RANBP17: variants seen among roughly 807,000 people sequenced by gnomAD.
The protein encoded by RANBP17 is ran-binding protein 17.
Under a neutral mutation model 141.2 loss-of-function variants are expected in RANBP17, and 158 were observed. The observed-to-expected ratio is 1.12, with a 90% confidence interval of 0.98 to 1.28. The LOEUF (loss-of-function observed/expected upper bound fraction) is 1.28, where lower values mean the gene tolerates loss of function less well. Among genes scored for constraint, RANBP17 ranks in the 50% most tolerant of loss-of-function variants. The pLI is 0.00. For missense variants in RANBP17, 1,438 were observed against 1,290.7 expected (o/e 1.11, Z -1.75); for synonymous variants, 430 against 450.0 (o/e 0.96, Z 0.56).
chr5:171,026,522 G>A (rs1472557327), intron 14 of RANBP17, among the ~76,000 whole-genome samples: 2 of 152,126 alleles, frequency 1.3e-5, no homozygotes, highest in Non-Finnish European at 2.9e-5. Context: ...TAACAGAAGA[G>A]TTTAAAGTTA....
chr5:171,044,582 A>G (rs1205204596), intron 14 of RANBP17, among the ~76,000 whole-genome samples: 1 of 152,074 alleles, frequency 6.6e-6, no homozygotes, highest in Non-Finnish European at 1.5e-5. Flanking sequence ...TTTACTCATA[A>G]TAAAAATATT....
At chr5:171,147,795 G>A (rs535100486) in intron 14 of RANBP17, among the ~76,000 whole-genome samples, 19 of 152,106 alleles carry the variant, frequency 1.2e-4, no homozygotes, top group African/African-American at 4.3e-4. Flanking sequence ...CCGGCCAGCC[G>A]CCCCGTCCGG....
chr5:170,892,332 C>CTTCAGAA, intron 3 of RANBP17, 55 bp from the exon 4 acceptor site: 1 of 332,790 alleles, frequency 3.0e-6, no homozygotes, highest in Non-Finnish European at 4.9e-6. Flanking sequence ...TCATATGATT[C>CTTCAGAA]ACACTATGTT....
intron 14 of RANBP17, among the ~76,000 whole-genome samples, chr5:171,045,563 T>C (rs1429032798): frequency 6.6e-6 from 1 of 152,152 alleles, no homozygotes; most frequent in Non-Finnish European, 1.5e-5. Flanking sequence ...AACAGACTAA[T>C]TGTCTTTAAA....
chr5:171,018,836 G>T (rs191099456), intron 14 of RANBP17, among the ~76,000 whole-genome samples: 3 of 152,122 alleles, frequency 2.0e-5, no homozygotes, highest in Non-Finnish European at 4.4e-5. Context: ...TCTTGTGCCA[G>T]TCTTCAAAGG....
intron 14 of RANBP17, among the ~76,000 whole-genome samples, chr5:171,074,242 T>C (rs1784786609): frequency 6.6e-6 from 1 of 152,236 alleles, no homozygotes; most frequent in Admixed American, 6.5e-5. Context: ...TGAGAACATA[T>C]TAAAACTCAG....
intron 14 of RANBP17, among the ~76,000 whole-genome samples, chr5:171,155,092 AAAATATAT>A (rs1758782790): frequency 1.1e-5 from 1 of 91,232 alleles, no homozygotes; most frequent in South Asian, 3.5e-4. Context: ...AAAAAAAAAA[AAAATATAT>A]ATATATATAT....
At chr5:170,984,110 G>A (rs1171016703) in intron 14 of RANBP17, among the ~76,000 whole-genome samples, 7 of 152,096 alleles carry the variant, frequency 4.6e-5, no homozygotes, top group African/African-American at 1.7e-4. Context: ...AGAGTAGGAA[G>A]TCTGGGAAAG....
chr5:170,885,347 T>C (rs1769054439), intron 3 of RANBP17, among the ~76,000 whole-genome samples: 1 of 152,170 alleles, frequency 6.6e-6, no homozygotes, highest in Non-Finnish European at 1.5e-5. Flanking sequence ...TGGGGTAATA[T>C]CATCCATTTC....
At chr5:170,959,565 G>A (rs1775986964) in intron 13 of RANBP17, among the ~76,000 whole-genome samples, 1 of 152,114 alleles carries the variant, frequency 6.6e-6, no homozygotes, top group Admixed American at 6.5e-5. Flanking sequence ...GGAGTTAGGG[G>A]CACCAACCTT....
chr5:171,165,203 A>G (rs939248284), intron 14 of RANBP17, among the ~76,000 whole-genome samples: 1 of 152,008 alleles, frequency 6.6e-6, no homozygotes, highest in Admixed American at 6.6e-5. Context: ...TTTTTTTGAG[A>G]TGGAGTCTCG....
At chr5:170,936,886 G>C (rs1194617181) in intron 12 of RANBP17, among the ~76,000 whole-genome samples, 1 of 152,064 alleles carries the variant, frequency 6.6e-6, no homozygotes, top group Non-Finnish European at 1.5e-5. Context: ...ATTTGTGATT[G>C]TTATGTCTTC....
chr5:171,035,337 C>T lies in RANBP17; in HGVS notation c.1710+66960C>T, dbSNP rs113254615. Among the ~76,000 whole-genome samples the T allele has an allele frequency of 3.3e-3, 504 of 152,080 alleles. 1 individual carries two copies. Among genetic ancestry groups the T allele is most frequent in the African/African-American group, 0.012 (489 of 41,488 alleles). The stretch of plus-strand genomic sequence containing the variant: ...GAAACATAAGAAATTAAACATGATA[C>T]CTTAGTAATTTTTTAAATGAATTTA... On this transcript the variant is annotated intron_variant, in intron 14 of 27. Transcript: ENST00000523189.
intron 24 of RANBP17, among the ~76,000 whole-genome samples, chr5:171,245,877 C>CTTTT (rs778868859): frequency 7.4e-6 from 1 of 134,290 alleles, no homozygotes; most frequent in East Asian, 2.1e-4. Flanking sequence ...TCTTCTCATA[C>CTTTT]TTTTTTTTTT....
intron 14 of RANBP17, among the ~76,000 whole-genome samples, chr5:171,165,972 C>G (rs1172225666): frequency 6.6e-6 from 1 of 152,078 alleles, no homozygotes; most frequent in Non-Finnish European, 1.5e-5. Context: ...AGAATACATG[C>G]CTTTTATGCG....
At position 171,240,930 on chromosome 5, in the gene RANBP17, A is replaced by AATCAGATC; in HGVS notation, c.2426_2433dup (p.Leu812IlefsTer17). The AATCAGATC allele has an allele frequency of 6.2e-7, 1 of 1,607,424 alleles. No individual in the cohort carries two copies. The highest frequency in any genetic ancestry group is 8.5e-7 in the Non-Finnish European group (1 of 1,174,284). On this transcript the variant is annotated frameshift_variant, in exon 23 of 28. Coordinates refer to ENST00000523189, the MANE Select transcript of RANBP17 (RefSeq NM_022897.5). LOFTEE classifies it high-confidence loss of function. ...TTTCTGCTTTTATCCTGAAACAGGT[A>AATCAGATC]ATCAGATCCTGTCCCTTGGGAGCCT... is the stretch of plus-strand genomic sequence containing the variant.
At chr5:171,269,838 A>G (rs928940000) in intron 25 of RANBP17, among the ~76,000 whole-genome samples, 7 of 152,224 alleles carry the variant, frequency 4.6e-5, no homozygotes, top group African/African-American at 1.7e-4. Flanking sequence ...ATTAAAAGGA[A>G]TGGATTACAA....
chr5:170,925,511 A>G (rs1414519702), intron 12 of RANBP17, among the ~76,000 whole-genome samples: 8 of 152,124 alleles, frequency 5.3e-5, no homozygotes. Flanking sequence ...ATTAAATATC[A>G]AATTCATATA....
At chr5:171,271,666 A>G (rs761733354) in intron 25 of RANBP17, 1 of 207,322 alleles carries the variant, frequency 4.8e-6, no homozygotes, top group Non-Finnish European at 9.8e-6. Flanking sequence ...TCAATAATAC[A>G]GTAGTATATT....
Sources: allele counts gnomAD v4.1 joint callset (sites outside exome capture counted in the v4.1 genomes callset), GRCh38; gene constraint gnomAD v4.1.1; transcripts MANE v1.5; gene names NCBI Gene and HGNC (gene_info 2026-07-23, HGNC 2026-07-21).